Variants in SLC7A1 observed in about 807,000 individuals in gnomAD.
SLC7A1 encodes high affinity cationic amino acid transporter 1.
Under a neutral mutation model 53.9 loss-of-function variants are expected in SLC7A1, and 10 were observed. The ratio of observed to expected loss-of-function variants is 0.19; its 90% CI spans 0.11 to 0.31. The LOEUF (loss-of-function observed/expected upper bound fraction) is 0.31, where lower values mean the gene tolerates loss of function less well. SLC7A1 is among the 10% of genes least tolerant of loss of function. The pLI, the probability that SLC7A1 is intolerant of heterozygous loss-of-function variation, is 1.00. For synonymous variants in SLC7A1, 342 were observed against 338.7 expected (o/e 1.01, Z -0.11); for missense variants, 525 against 827.2 (o/e 0.63, Z 4.48).
At chr13:29,574,642 G>GC (rs1434722668) in intron 1 of SLC7A1, among the ~76,000 whole-genome samples, 1 of 137,910 alleles carries the variant, frequency 7.3e-6, no homozygotes, top group Non-Finnish European at 1.5e-5. Flanking sequence ...AGCAGCTAAT[G>GC]CTTTTTTTTT....
At chr13:29,516,105 G>T in intron 12 of SLC7A1, 33 bp downstream of exon 12, 1 of 1,389,276 alleles carries the variant, frequency 7.2e-7, no homozygotes, top group Non-Finnish European at 1.0e-6. Context: ...GGGAAGCCAG[G>T]ATCTTGGACG....
chr13:29,534,571 G>A (rs1487793679), intron 3 of SLC7A1, among the ~76,000 whole-genome samples: 6 of 152,208 alleles, frequency 3.9e-5, no homozygotes, highest in Admixed American at 6.5e-5. Flanking sequence ...GGTGCTGCTC[G>A]GAGAATGTGA....
intron 11 of SLC7A1, chr13:29,516,886 T>C: frequency 2.4e-6 from 1 of 410,312 alleles, no homozygotes; most frequent in Non-Finnish European, 4.3e-6. Flanking sequence ...AGGTCTCTCT[T>C]GGCCTGTGTC....
At chr13:29,591,323 G>C (rs1039390383) in intron 1 of SLC7A1, among the ~76,000 whole-genome samples, 3 of 152,172 alleles carry the variant, frequency 2.0e-5, no homozygotes, top group Non-Finnish European at 4.4e-5. Flanking sequence ...ATTTAAATGT[G>C]GTTCTGAGGA....
intron 1 of SLC7A1, among the ~76,000 whole-genome samples, chr13:29,575,181 G>A (rs765633827): frequency 3.3e-5 from 5 of 152,122 alleles, no homozygotes; most frequent in Non-Finnish European, 5.9e-5. Flanking sequence ...TTGTGTTACC[G>A]TTGCAACTGT....
At chr13:29,557,492 T>C (rs2139142462) in intron 1 of SLC7A1, among the ~76,000 whole-genome samples, 1 of 152,214 alleles carries the variant, frequency 6.6e-6, no homozygotes, top group African/African-American at 2.4e-5. Context: ...CATGTTACTG[T>C]ACTGAATACT....
chr13:29,514,772 C>T (rs1187369749), intron 12 of SLC7A1, among the ~76,000 whole-genome samples, 189 bp from the exon 13 acceptor site: 1 of 152,230 alleles, frequency 6.6e-6, no homozygotes, highest in Non-Finnish European at 1.5e-5. Context: ...AGGCCACTGT[C>T]TGCTTCGACA....
intron 1 of SLC7A1, among the ~76,000 whole-genome samples, chr13:29,594,008 G>A (rs919323027): frequency 6.6e-6 from 1 of 151,830 alleles, no homozygotes; most frequent in East Asian, 1.9e-4. Context: ...TATTCTGTTC[G>A]TGTGACTTAA....
intron 2 of SLC7A1, among the ~76,000 whole-genome samples, chr13:29,542,069 T>C (rs1869688930): frequency 6.6e-6 from 1 of 152,212 alleles, no homozygotes; most frequent in African/African-American, 2.4e-5. Context: ...ACATACAATC[T>C]TTCCAAAGTC....
rs1306221405 is a variant in SLC7A1, at chr13:29,512,037, A to C, written c.*2443T>G. ...TGAGGGATATGATAAGAAAAAGTCT[A>C]TTAAAATTGTAAGGCTTACTCCAGA... On this transcript the variant is annotated 3_prime_UTR_variant, in exon 13 of 13. Transcript: ENST00000380752. 1 of 152,164 alleles carries C rather than the reference A, an allele frequency of 6.6e-6. No homozygotes were observed. The highest frequency in any genetic ancestry group is 2.4e-5 in the African/African-American group (1 of 41,444). The allele number at this position is 152,164 out of a possible 1,614,324, so 9.4% of individuals were successfully genotyped here.
Position 29,568,450 on chromosome 13 carries a change from G to A in SLC7A1, c.-114-14590C>T, listed in dbSNP as rs554792774. Among the ~76,000 whole-genome samples, 14 of 152,302 alleles carry A rather than the reference G, an allele frequency of 9.2e-5. No homozygotes were observed. In the East Asian group the frequency reaches 2.1e-3, roughly 23 times the overall value. On this transcript the variant is annotated intron_variant, in intron 1 of 12. Coordinates refer to ENST00000380752, the MANE Select transcript of SLC7A1 (RefSeq NM_003045.5). Reference sequence around the variant, plus strand: ...AGCCAACTGTTTCCTGGAGGGCCCCGCGTAGCTACAACTATGGGTAGTGAA... The same window carrying A: ...AGCCAACTGTTTCCTGGAGGGCCCCACGTAGCTACAACTATGGGTAGTGAA...
chr13:29,535,275 G>A (rs3783248), intron 3 of SLC7A1, among the ~76,000 whole-genome samples: 13,345 of 152,234 alleles, frequency 0.088, 1,656 homozygotes, highest in East Asian at 0.62. Context: ...ACAATGGTAG[G>A]CAAGCATTAG....
rs1008436565 is a variant in SLC7A1, at chr13:29,555,230, C to A, written c.-114-1370G>T. Among the ~76,000 whole-genome samples, 90 of 146,108 alleles carry A rather than the reference C, an allele frequency of 6.2e-4. 1 individual carries two copies. The highest frequency in any genetic ancestry group is 1.8e-3 in the Admixed American group (27 of 14,676). On this transcript the variant is annotated intron_variant, in intron 1 of 12. Coordinates refer to ENST00000380752, the MANE Select transcript of SLC7A1 (RefSeq NM_003045.5). Reference sequence around the variant, plus strand: ...AAAATTAGCCGGGCGTAGTGGCGGGCGCCTGTAGTCCCAGCTACTTGGGAG... The same window carrying A: ...AAAATTAGCCGGGCGTAGTGGCGGGAGCCTGTAGTCCCAGCTACTTGGGAG...
chr13:29,592,408 G>A (rs182552506), intron 1 of SLC7A1, among the ~76,000 whole-genome samples: 7 of 152,344 alleles, frequency 4.6e-5, no homozygotes, highest in Non-Finnish European at 1.0e-4. Flanking sequence ...ATCTCGACCA[G>A]TGGGCCAGGT....
chr13:29,514,431 G>A lies in SLC7A1; in HGVS notation c.*49C>T. The A allele has an allele frequency of 1.4e-6, 2 of 1,429,062 alleles. No individual in the cohort carries two copies. Among genetic ancestry groups the A allele is most frequent in the East Asian group, 2.3e-5 (1 of 43,622 alleles). The allele number at this position is 1,429,062 out of a possible 1,614,324, so 88.5% of individuals were successfully genotyped here. ...AGGGTGGGGTGCCTCCCGGTCCTCTGGGGGCGTCCCTCGGGGCTGCTGCCA... is the reference window on the plus strand; with the variant it reads ...AGGGTGGGGTGCCTCCCGGTCCTCTAGGGGCGTCCCTCGGGGCTGCTGCCA... On this transcript the variant is annotated 3_prime_UTR_variant, in exon 13 of 13. Transcript: ENST00000380752.
chr13:29,517,954 G>A (rs948846549), intron 9 of SLC7A1, among the ~76,000 whole-genome samples, 164 bp from the exon 10 acceptor site: 2 of 152,212 alleles, frequency 1.3e-5, no homozygotes, highest in Admixed American at 1.3e-4. Context: ...AGGAGAGACC[G>A]GGAACACCAC....
intron 2 of SLC7A1, among the ~76,000 whole-genome samples, chr13:29,551,133 A>G (rs1018777496): frequency 3.9e-5 from 6 of 152,202 alleles, no homozygotes; most frequent in Admixed American, 1.3e-4. Flanking sequence ...AAGTTATGGG[A>G]GCTATAAAGA....
intron 5 of SLC7A1, among the ~76,000 whole-genome samples, chr13:29,528,622 A>G (rs78972057): frequency 4.2e-5 from 6 of 143,218 alleles, no homozygotes; most frequent in Admixed American, 6.8e-5. Flanking sequence ...CTACGGCTGG[A>G]AAAAAAAAAG....
chr13:29,580,938 A>G (rs1593582759), intron 1 of SLC7A1, among the ~76,000 whole-genome samples: 2 of 151,682 alleles, frequency 1.3e-5, no homozygotes, highest in Non-Finnish European at 3.0e-5. Context: ...TATCCCCTGA[A>G]CCCCACATTC....
Sources: allele counts gnomAD v4.1 joint callset (sites outside exome capture counted in the v4.1 genomes callset), GRCh38; gene constraint gnomAD v4.1.1; transcripts MANE v1.5; gene names NCBI Gene and HGNC (gene_info 2026-07-23, HGNC 2026-07-21).